The following NLK variants were observed in gnomAD, a reference collection of about 807,000 sequenced individuals.
NLK encodes the protein serine/threonine-protein kinase NLK.
In NLK, 11 loss-of-function variants were observed where a neutral mutation model predicts 59.0. The observed-to-expected ratio is 0.19, with a 90% CI of 0.12 to 0.31. NLK has a LOEUF of 0.31. Among genes scored for constraint, NLK ranks in the 10% least tolerant of loss-of-function variants. NLK has a pLI of 1.00. For synonymous variants in NLK, 235 were observed against 235.9 expected, an observed-to-expected ratio of 1.00 and a Z score of 0.03; for missense variants, 410 against 661.1, an observed-to-expected ratio of 0.62 and a Z score of 4.16.
intron 1 of NLK, among the ~76,000 whole-genome samples, chr17:28,107,974 C>A (rs763677111): frequency 2.0e-5 from 3 of 152,194 alleles, no homozygotes; most frequent in Non-Finnish European, 4.4e-5. Context: ...TGGCTCATGT[C>A]TGTAATCCCA....
chr17:28,190,920 A>G, intron 8 of NLK, 101 bp from the exon 9 acceptor site: 1 of 773,238 alleles, frequency 1.3e-6, no homozygotes, highest in Non-Finnish European at 2.1e-6. Flanking sequence ...TATAAATTAT[A>G]TATATGCTAT....
intron 3 of NLK, 112 bp from the exon 4 acceptor site, chr17:28,161,048 C>A (rs985814804): frequency 1.3e-5 from 8 of 635,892 alleles, no homozygotes; most frequent in Non-Finnish European, 2.3e-5. Flanking sequence ...TAGAAGCTTT[C>A]TTTCCCCACT....
In NLK at chr17:28,100,078, T is replaced by G. The variant is rs191347106; in HGVS notation, c.459-22525T>G. ...ACAATTGTGAACATTTGTGTGCAAG[T>G]TTTTACATAGCTCTTGGGTAAATAC... On this transcript the variant is annotated intron_variant, in intron 1 of 10. Coordinates refer to ENST00000407008, the MANE Select transcript of NLK (RefSeq NM_016231.5). 6.4e-4 allele frequency among the ~76,000 whole-genome samples: 97 copies of G among 152,328 alleles called. 2 individuals are homozygous for G. Among genetic ancestry groups the G allele is most frequent in the African/African-American group, 2.0e-3 (84 of 41,576 alleles).
At chr17:28,056,399 G>A (rs1909445807) in intron 1 of NLK, among the ~76,000 whole-genome samples, 1 of 152,162 alleles carries the variant, frequency 6.6e-6, no homozygotes, top group East Asian at 1.9e-4. Flanking sequence ...GCTGGTTGGG[G>A]GCTGAGCCAG....
At chr17:28,080,913 A>G (rs1910321687) in intron 1 of NLK, among the ~76,000 whole-genome samples, 1 of 152,048 alleles carries the variant, frequency 6.6e-6, no homozygotes. Flanking sequence ...TTTTTGAGAC[A>G]GGGTGTTGCT....
rs144008985 is a variant in NLK, at chr17:28,166,257, C to T, written c.838-2191C>T. 1.9e-3 allele frequency among the ~76,000 whole-genome samples: 286 copies of T among 152,046 alleles called. 1 individual carries two copies. The highest frequency in any genetic ancestry group is 0.017 in the Middle Eastern group (5 of 294). ...ATGTTATTTGAACATATTTGATGAA[C>T]TCGGGCTTTTGTTGTTATGTTATAT... is the stretch of plus-strand genomic sequence containing the variant. On this transcript the variant is annotated intron_variant, in intron 5 of 10. Coordinates refer to ENST00000407008, the MANE Select transcript of NLK (RefSeq NM_016231.5).
At chr17:28,137,889 T>C (rs1395539116) in intron 3 of NLK, among the ~76,000 whole-genome samples, 1 of 152,112 alleles carries the variant, frequency 6.6e-6, no homozygotes, top group African/African-American at 2.4e-5. Flanking sequence ...TAACTTTTTG[T>C]CTTCATAGTT....
At chr17:28,059,203 G>A (rs572754437) in intron 1 of NLK, among the ~76,000 whole-genome samples, 8 of 151,912 alleles carry the variant, frequency 5.3e-5, no homozygotes, top group Non-Finnish European at 4.4e-5. Context: ...ACACACTGGC[G>A]GAATTTTTAT....
At chr17:28,192,511 A>C (rs1424279092) in intron 10 of NLK, among the ~76,000 whole-genome samples, 2 of 152,046 alleles carry the variant, frequency 1.3e-5, no homozygotes, top group Admixed American at 6.5e-5. Context: ...TCTTCTAAAA[A>C]TACAAAATTA....
At chr17:28,146,210 G>A (rs955732799) in intron 3 of NLK, among the ~76,000 whole-genome samples, 7 of 151,960 alleles carry the variant, frequency 4.6e-5, no homozygotes, top group African/African-American at 1.7e-4. Context: ...AAAGTTACTT[G>A]ATACTCTTCC....
At chr17:28,185,096 T>C (rs1909064334) in intron 7 of NLK, 83 bp from the exon 8 acceptor site, 6 of 726,450 alleles carry the variant, frequency 8.3e-6, no homozygotes, top group African/African-American at 1.8e-5. Flanking sequence ...AACTGAGTAC[T>C]TACCTTATCA....
At chr17:28,081,415 T>C (rs1335303158) in intron 1 of NLK, among the ~76,000 whole-genome samples, 1 of 152,204 alleles carries the variant, frequency 6.6e-6, no homozygotes, top group East Asian at 1.9e-4. Flanking sequence ...CAGACTCACT[T>C]TTTAATGAAT....
intron 3 of NLK, among the ~76,000 whole-genome samples, chr17:28,160,241 T>A (rs911543523): frequency 2.0e-5 from 3 of 152,166 alleles, no homozygotes; most frequent in Non-Finnish European, 1.5e-5. Context: ...AAAAAATGTC[T>A]CGAGGAGGAG....
At chr17:28,118,202 GAGTTT>G (rs571098066) in intron 1 of NLK, among the ~76,000 whole-genome samples, 1 of 152,098 alleles carries the variant, frequency 6.6e-6, no homozygotes, top group South Asian at 2.1e-4. Context: ...TAAATATTTA[GAGTTT>G]AGTTAGGAGG....
At chr17:28,078,050 C>T (rs959095652) in intron 1 of NLK, among the ~76,000 whole-genome samples, 2 of 151,906 alleles carry the variant, frequency 1.3e-5, no homozygotes, top group Non-Finnish European at 2.9e-5. Flanking sequence ...AAAAAAAGTG[C>T]TATCGATTGA....
intron 1 of NLK, among the ~76,000 whole-genome samples, chr17:28,071,256 A>G (rs1239793315): frequency 4.6e-5 from 7 of 152,218 alleles, no homozygotes; most frequent in Non-Finnish European, 7.3e-5. Flanking sequence ...TTTTAATTCA[A>G]GATTATTTTG....
At chr17:28,142,324 C>G (rs1907037426) in intron 3 of NLK, among the ~76,000 whole-genome samples, 1 of 152,092 alleles carries the variant, frequency 6.6e-6, no homozygotes, top group African/African-American at 2.4e-5. Context: ...AAGAATCTGC[C>G]TTTGCCTGGG....
At chr17:28,057,773 G>A (rs1332995186) in intron 1 of NLK, among the ~76,000 whole-genome samples, 3 of 152,094 alleles carry the variant, frequency 2.0e-5, no homozygotes, top group African/African-American at 7.2e-5. Context: ...GTATTTTTCA[G>A]TACCAAATAA....
At chr17:28,052,818 T>G (rs181397482) in intron 1 of NLK, among the ~76,000 whole-genome samples, 1 of 151,928 alleles carries the variant, frequency 6.6e-6, no homozygotes, top group East Asian at 1.9e-4. Context: ...CTCAGTTTGG[T>G]CTAACCACAT....
Sources: gnomAD v4.1 joint callset for allele counts (sites outside exome capture counted in the v4.1 genomes callset) on GRCh38, gnomAD v4.1.1 for gene constraint, MANE v1.5 for transcripts, NCBI Gene and HGNC (gene_info 2026-07-23, HGNC 2026-07-21) for gene names.